Variants in NEBL observed in about 807,000 individuals in gnomAD.
The protein encoded by NEBL is nebulette.
Under a neutral mutation model 140.2 loss-of-function variants are expected in NEBL, and 122 were observed. The observed-to-expected ratio is 0.87, with a 90% confidence interval of 0.75 to 1.01. The LOEUF is 1.01. Among genes scored for constraint, NEBL ranks in the 50% least tolerant of loss-of-function variants. NEBL has a pLI of 0.00. For synonymous variants in NEBL, 436 were observed against 398.9 expected (o/e 1.09, Z -1.11); for missense variants, 1,365 against 1,231.3 (o/e 1.11, Z -1.62).
At chr10:20,954,444 A>G (rs1329574782) in intron 4 of NEBL, among the ~76,000 whole-genome samples, 2 of 152,234 alleles carry the variant, frequency 1.3e-5, no homozygotes, top group East Asian at 1.9e-4. Context: ...TAATGCAGCT[A>G]TAGAAGCTGA....
intron 1 of NEBL, among the ~76,000 whole-genome samples, chr10:21,269,594 C>G (rs1842837528): frequency 6.6e-6 from 1 of 152,178 alleles, no homozygotes; most frequent in Non-Finnish European, 1.5e-5. Context: ...AGGCTACACC[C>G]TCTTTCATTA....
At chr10:21,183,673 T>C (rs1387931043) in intron 3 of NEBL, among the ~76,000 whole-genome samples, 1 of 152,232 alleles carries the variant, frequency 6.6e-6, no homozygotes, top group Non-Finnish European at 1.5e-5. Context: ...TTAAGCTCAG[T>C]GCAAATGGCT....
chr10:21,286,890 G>T (rs1271972514), intron 1 of NEBL, among the ~76,000 whole-genome samples: 1 of 151,976 alleles, frequency 6.6e-6, no homozygotes, highest in Non-Finnish European at 1.5e-5. Context: ...AAATCATACA[G>T]GAACAGACAA....
At chr10:20,959,233 C>G (rs1835941639) in intron 4 of NEBL, among the ~76,000 whole-genome samples, 1 of 152,174 alleles carries the variant, frequency 6.6e-6, no homozygotes, top group African/African-American at 2.4e-5. Flanking sequence ...CTATATTAAA[C>G]TTGGCACTCA....
chr10:21,227,247 C>G (rs1842164361), intron 3 of NEBL, among the ~76,000 whole-genome samples: 1 of 152,230 alleles, frequency 6.6e-6, no homozygotes, highest in South Asian at 2.1e-4. Context: ...TCAGGACATC[C>G]TCCTTGCCTC....
At chr10:20,950,948 T>A (rs1856762) in intron 4 of NEBL, among the ~76,000 whole-genome samples, 6 of 151,956 alleles carry the variant, frequency 3.9e-5, no homozygotes, top group African/African-American at 1.5e-4. Context: ...AAGGATGCAA[T>A]GATACAAAGC....
At chr10:21,113,140 G>A (rs1838114229) in intron 2 of NEBL, 4 of 279,876 alleles carry the variant, frequency 1.4e-5, no homozygotes, top group Admixed American at 9.2e-5. Flanking sequence ...GGAAGAGGAG[G>A]AGGAGGAGAT....
intron 5 of NEBL, among the ~76,000 whole-genome samples, chr10:20,870,605 T>C (rs1416128260): frequency 2.0e-5 from 3 of 152,184 alleles, no homozygotes; most frequent in African/African-American, 7.2e-5. Context: ...TGAAGCTCTG[T>C]AGTTCTCCAG....
intron 3 of NEBL, among the ~76,000 whole-genome samples, chr10:20,992,988 T>A (rs185228119): frequency 1.3e-5 from 2 of 151,822 alleles, no homozygotes; most frequent in East Asian, 3.9e-4. Context: ...TTTCACTGTG[T>A]TAGCCAGGAT....
chr10:20,926,073 C>T (rs868083888), intron 4 of NEBL, among the ~76,000 whole-genome samples: 2 of 152,164 alleles, frequency 1.3e-5, no homozygotes, highest in South Asian at 2.1e-4. Flanking sequence ...CTCCATTATG[C>T]CTCTTATGAA....
chr10:20,913,597 C>A (rs1299916557), intron 4 of NEBL, among the ~76,000 whole-genome samples: 9 of 151,920 alleles, frequency 5.9e-5, no homozygotes, highest in Non-Finnish European at 1.3e-4. Context: ...GTACAAAAAC[C>A]AAGTGTACGA....
intron 15 of NEBL, 48 bp downstream of exon 15, chr10:20,831,425 A>G (rs1840400918): frequency 2.0e-6 from 3 of 1,535,104 alleles, no homozygotes; most frequent in African/African-American, 1.4e-5. Context: ...CTTTCCAGCT[A>G]TGATTCACGG....
At chr10:21,169,734 A>G (rs1391959281) in intron 2 of NEBL, among the ~76,000 whole-genome samples, 1 of 152,180 alleles carries the variant, frequency 6.6e-6, no homozygotes, top group Non-Finnish European at 1.5e-5. Flanking sequence ...CCCCCTATTT[A>G]TCTGCTCAAT....
At chr10:21,194,919 T>C (rs1225876971) in intron 3 of NEBL, among the ~76,000 whole-genome samples, 1 of 151,732 alleles carries the variant, frequency 6.6e-6, no homozygotes, top group East Asian at 1.9e-4. Flanking sequence ...GCTAATGATG[T>C]AGATCAAGGG....
In NEBL at chr10:20,897,110, T is replaced by G. The variant is rs1232003287; in HGVS notation, c.81+15A>C. ...AGGAACAAACGCTGGTCTGAGTATGTGTTTTCTCACTCACCTGGTCTTCTT... is the reference window on the plus strand; with the variant it reads ...AGGAACAAACGCTGGTCTGAGTATGGGTTTTCTCACTCACCTGGTCTTCTT... On this transcript the variant is annotated intron_variant, in intron 1 of 27. Transcript: ENST00000377122. The G allele has an allele frequency of 2.5e-6, 4 of 1,588,940 alleles. No individual in the cohort carries two copies. In the Admixed American group the frequency reaches 5.0e-5, roughly 20 times the overall value.
chr10:20,986,876 G>A (rs995021665), intron 3 of NEBL, among the ~76,000 whole-genome samples: 5 of 152,116 alleles, frequency 3.3e-5, no homozygotes, highest in African/African-American at 1.2e-4. Flanking sequence ...TATATTCACA[G>A]GAACTTCTTT....
intron 3 of NEBL, among the ~76,000 whole-genome samples, chr10:20,979,016 ATCAAT>A (rs1222666554): frequency 6.6e-6 from 1 of 152,200 alleles, no homozygotes; most frequent in Non-Finnish European, 1.5e-5. Flanking sequence ...TAAAAATTAA[ATCAAT>A]TCTATTTCTC....
chr10:21,235,540 C>T (rs996716540), intron 3 of NEBL, among the ~76,000 whole-genome samples: 20 of 152,214 alleles, frequency 1.3e-4, no homozygotes, highest in Non-Finnish European at 1.6e-4. Flanking sequence ...GTCTCGAACT[C>T]CTGGCCTCCA....
chr10:21,238,663 C>T (rs1296335258), intron 3 of NEBL, among the ~76,000 whole-genome samples: 2 of 146,808 alleles, frequency 1.4e-5, no homozygotes, highest in East Asian at 2.0e-4. Flanking sequence ...TGAGCCCTCG[C>T]GCCATTACAC....
Sources: allele counts gnomAD v4.1 joint callset (sites outside exome capture counted in the v4.1 genomes callset), GRCh38; gene constraint gnomAD v4.1.1; transcripts MANE v1.5; gene names NCBI Gene and HGNC (gene_info 2026-07-23, HGNC 2026-07-21).